TULP3: variants seen among roughly 807,000 people sequenced by gnomAD.
TULP3 encodes the protein TUB like protein 3.
A neutral mutation model predicts 50.7 loss-of-function variants in TULP3; 38 were observed. The ratio of observed to expected loss-of-function variants is 0.75; its 90% CI spans 0.58 to 0.98. The LOEUF (loss-of-function observed/expected upper bound fraction) is 0.98. TULP3 is among the 50% of genes least tolerant of loss of function. The pLI is 0.00. For missense variants in TULP3, 550 were observed against 568.0 expected, an observed-to-expected ratio of 0.97 and a Z score of 0.32; for synonymous variants, 183 against 196.6, an observed-to-expected ratio of 0.93 and a Z score of 0.58.
chr12:2,891,348 A>G (rs1233537849), intron 1 of TULP3, among the ~76,000 whole-genome samples: 1 of 152,138 alleles, frequency 6.6e-6, no homozygotes, highest in Non-Finnish European at 1.5e-5. Flanking sequence ...GCGGTGTCAC[A>G]GCCGAGAGGG....
At chr12:2,937,067 C>T (rs1253066967) in intron 8 of TULP3, among the ~76,000 whole-genome samples, 1 of 150,484 alleles carries the variant, frequency 6.6e-6, no homozygotes, top group Admixed American at 6.6e-5. Flanking sequence ...GATTGTGCCA[C>T]TGCACTCCAG....
At chr12:2,895,458 A>G (rs2098175013) in intron 1 of TULP3, among the ~76,000 whole-genome samples, 1 of 152,220 alleles carries the variant, frequency 6.6e-6, no homozygotes, top group South Asian at 2.1e-4. Context: ...CACTTCTCAT[A>G]TGACCTTTAT....
intron 2 of TULP3, among the ~76,000 whole-genome samples, chr12:2,916,995 G>C (rs1417897688): frequency 1.3e-5 from 2 of 152,120 alleles, no homozygotes; most frequent in Non-Finnish European, 2.9e-5. Context: ...CAGGGGTCTA[G>C]TCTCCCCTTA....
chr12:2,925,864 C>T (rs1210333714), intron 4 of TULP3, among the ~76,000 whole-genome samples: 1 of 152,170 alleles, frequency 6.6e-6, no homozygotes, highest in Non-Finnish European at 1.5e-5. Flanking sequence ...ACACTGTCTC[C>T]TTGTGCACTG....
chr12:2,899,061 A>G (rs992371904), intron 1 of TULP3, among the ~76,000 whole-genome samples: 7 of 152,116 alleles, frequency 4.6e-5, no homozygotes, highest in African/African-American at 1.7e-4. Flanking sequence ...TGTGAAATTC[A>G]TAGGCTGGGC....
At chr12:2,919,899 A>G (rs1369938737) in intron 2 of TULP3, among the ~76,000 whole-genome samples, 5 of 151,846 alleles carry the variant, frequency 3.3e-5, no homozygotes, top group Admixed American at 1.3e-4. Context: ...CCTTGATCCA[A>G]ATTTGATTTC....
intron 1 of TULP3, among the ~76,000 whole-genome samples, chr12:2,901,630 G>A (rs947749713): frequency 2.0e-5 from 3 of 151,836 alleles, no homozygotes; most frequent in East Asian, 3.9e-4. Context: ...TCATATGCCC[G>A]TCTCAGCCTC....
In TULP3 at chr12:2,909,509, A is replaced by T. The variant is rs768215785; in HGVS notation, c.42-20A>T. 56 of 1,409,586 alleles carry T rather than the reference A, an allele frequency of 4.0e-5. No homozygotes were observed. In the East Asian group the frequency reaches 9.5e-4, roughly 24 times the overall value. 87.3% of individuals were successfully genotyped at this position (1,409,586 alleles called of 1,614,324 possible). A position where few individuals can be genotyped will look rare whatever the true frequency, so the allele number is the denominator to read the frequency against. On this transcript the variant is annotated intron_variant, in intron 1 of 10. Transcript: ENST00000448120. ...CGTTTTCTTTTTATATACTTGCTTT[A>T]TTTTTTTTTTTTTTAACAGTGTCTT...
chr12:2,930,166 C>G lies in TULP3; in HGVS notation c.395-82C>G, dbSNP rs2098197100. On this transcript the variant is annotated intron_variant, in intron 4 of 10. Transcript: ENST00000448120. Reference sequence around the variant, plus strand: ...TCAGAATAGTTAAGAATGTTTTAAGCAAGAAAATTAAAACTATCTTTGTTT... The same window carrying G: ...TCAGAATAGTTAAGAATGTTTTAAGGAAGAAAATTAAAACTATCTTTGTTT... The G allele has an allele frequency of 2.0e-5, 20 of 990,900 alleles. No homozygotes were observed. In the South Asian group the frequency reaches 3.1e-4, roughly 15 times the overall value. The allele number at this position is 990,900 out of a possible 1,614,324, so 61.4% of individuals were successfully genotyped here. A position where few individuals can be genotyped will look rare whatever the true frequency, so the allele number is the denominator to read the frequency against.
intron 1 of TULP3, among the ~76,000 whole-genome samples, chr12:2,905,387 T>C (rs531728149): frequency 6.6e-6 from 1 of 152,052 alleles, no homozygotes; most frequent in African/African-American, 2.4e-5. Flanking sequence ...GGTTTCACCA[T>C]GTTGGCCAGG....
chr12:2,905,020 G>A (rs868216929), intron 1 of TULP3, among the ~76,000 whole-genome samples: 2 of 150,228 alleles, frequency 1.3e-5, no homozygotes, highest in African/African-American at 4.9e-5. Context: ...GGGAGGTGGA[G>A]GTTGCAGTGA....
intron 6 of TULP3, among the ~76,000 whole-genome samples, chr12:2,932,812 A>G (rs1489191647): frequency 1.3e-5 from 2 of 151,748 alleles, no homozygotes; most frequent in Non-Finnish European, 1.5e-5. Context: ...CACCTGGCCC[A>G]GCTTTGGAGA....
rs376218431 is a variant in TULP3 at position 2,922,330 on chromosome 12, G to T, written c.322G>T (p.Val108Leu). The T allele has an allele frequency of 8.1e-6, 13 of 1,614,068 alleles. No individual in the cohort carries two copies. The highest frequency in any genetic ancestry group is 1.1e-5 in the Non-Finnish European group (13 of 1,180,042). Residue 108 changes from valine (V) to leucine (L), a missense_variant, in exon 4 of 11, where the codon GTG (valine) becomes TTG (leucine). Transcript: ENST00000448120. ...VHAPSVSSSV[V>L]EEDAENTVDT... ...TGCTCCATCAGTAAGCTCCTCTGTT[G>T]TGGAAGAAGATGCTGAAAACACCGT...
chr12:2,899,661 A>T (rs1381980945), intron 1 of TULP3, among the ~76,000 whole-genome samples: 1 of 152,184 alleles, frequency 6.6e-6, no homozygotes, highest in Non-Finnish European at 1.5e-5. Context: ...TGGGAGGCCA[A>T]GGTGGGCGGA....
chr12:2,894,641 A>G (rs1232080194), intron 1 of TULP3, among the ~76,000 whole-genome samples: 1 of 152,038 alleles, frequency 6.6e-6, no homozygotes, highest in Admixed American at 6.6e-5. Flanking sequence ...CATGCCTGTA[A>G]TCCCAGCACT....
At chr12:2,909,364 G>A (rs2098184133) in intron 1 of TULP3, among the ~76,000 whole-genome samples, 165 bp from the exon 2 acceptor site, 1 of 152,138 alleles carries the variant, frequency 6.6e-6, no homozygotes, top group Admixed American at 6.6e-5. Flanking sequence ...GTTAAGGGTG[G>A]GAAGTCCTCC....
At chr12:2,934,593 C>A in intron 8 of TULP3, 32 bp downstream of exon 8, 1 of 1,459,964 alleles carries the variant, frequency 6.8e-7, no homozygotes. Context: ...CCGCTGCCTG[C>A]CCTCCTGGTG....
At chr12:2,936,986 T>A (rs2098201641) in intron 8 of TULP3, among the ~76,000 whole-genome samples, 1 of 150,358 alleles carries the variant, frequency 6.7e-6, no homozygotes. Flanking sequence ...GGCATGCGCC[T>A]GTAGTCCCAG....
At chr12:2,897,167 C>A (rs762625323) in intron 1 of TULP3, among the ~76,000 whole-genome samples, 2 of 151,944 alleles carry the variant, frequency 1.3e-5, no homozygotes, top group East Asian at 1.9e-4. Flanking sequence ...CTGCCACCAC[C>A]CCTGGCTAAT....
Sources: gnomAD v4.1 joint callset for allele counts (sites outside exome capture counted in the v4.1 genomes callset) on GRCh38, gnomAD v4.1.1 for gene constraint, MANE v1.5 for transcripts, NCBI Gene and HGNC (gene_info 2026-07-23, HGNC 2026-07-21) for gene names.